CLDN1: variants seen among roughly 807,000 people sequenced by gnomAD.
CLDN1 encodes the protein claudin-1.
A neutral mutation model predicts 22.6 loss-of-function variants in CLDN1; 12 were observed. The ratio of observed to expected loss-of-function variants is 0.53; its 90% CI spans 0.34 to 0.86. The LOEUF is 0.86. Among genes scored for constraint, CLDN1 ranks in the 40% least tolerant of loss-of-function variants. CLDN1 has a pLI of 0.02. For synonymous variants in CLDN1, 99 were observed against 103.8 expected, an observed-to-expected ratio of 0.95 and a Z score of 0.28; for missense variants, 250 against 269.5, an observed-to-expected ratio of 0.93 and a Z score of 0.51.
intron 1 of CLDN1, among the ~76,000 whole-genome samples, chr3:190,320,665 G>A (rs1716893897): frequency 6.6e-6 from 1 of 152,144 alleles, no homozygotes. Context: ...TATGGCTTTT[G>A]ATATACACTA....
At position 190,307,520 on chromosome 3, in the gene CLDN1, A is replaced by G. The variant is rs1315013113; in HGVS notation, c.*757T>C. The G allele has an allele frequency of 6.6e-6, 1 of 152,224 alleles. No homozygotes were observed. Among genetic ancestry groups the G allele is most frequent in the East Asian group, 1.9e-4 (1 of 5,190 alleles). The allele number at this position is 152,224 out of a possible 1,614,324, so 9.4% of individuals were successfully genotyped here. A position where few individuals can be genotyped will look rare whatever the true frequency, so the allele number is the denominator to read the frequency against. On this transcript the variant is annotated 3_prime_UTR_variant, in exon 4 of 4. Transcript: ENST00000295522. ...TCAACAGGAATTTATCACTTTGGTC[A>G]TGCAGAAAGATTTGCCTCCAAAGTT...
At position 190,308,337 on chromosome 3, in the gene CLDN1, A is replaced by C. The variant is rs751275507; in HGVS notation, c.576T>G (p.Ser192=). ...TTGGATAGGGCCTTGGTGTTGGGTA[A>C]GAGGTTGTTTTTCGGGGACAGGAAC... ...LCCSCPRKTT[S]YPTPRPYPKP... Residue 192 remains serine, a synonymous_variant, in exon 4 of 4, where the codon TCT becomes TCG. Transcript: ENST00000295522. 6.2e-7 allele frequency: 1 copy of C among 1,613,842 alleles called. No homozygotes were observed. The highest frequency in any genetic ancestry group is 1.1e-5 in the South Asian group (1 of 91,062).
At chr3:190,312,502 G>C (rs1716649829) in intron 2 of CLDN1, among the ~76,000 whole-genome samples, 1 of 152,122 alleles carries the variant, frequency 6.6e-6, no homozygotes, top group Non-Finnish European at 1.5e-5. Flanking sequence ...ACATATTCTT[G>C]TGTTTTCTCT....
chr3:190,320,132 A>G (rs1472583363), intron 1 of CLDN1, among the ~76,000 whole-genome samples: 1 of 152,250 alleles, frequency 6.6e-6, no homozygotes, highest in Non-Finnish European at 1.5e-5. Context: ...AACTACATTA[A>G]CCAAAAAATG....
intron 1 of CLDN1, among the ~76,000 whole-genome samples, chr3:190,319,832 C>T (rs960922872): frequency 1.3e-5 from 2 of 152,288 alleles, no homozygotes; most frequent in South Asian, 2.1e-4. Flanking sequence ...AGCTGGTGGG[C>T]GTAAACACCA....
chr3:190,310,912 T>C (rs1460640920), intron 2 of CLDN1, among the ~76,000 whole-genome samples: 1 of 152,216 alleles, frequency 6.6e-6, no homozygotes, highest in African/African-American at 2.4e-5. Flanking sequence ...AGAAATCATT[T>C]AGTCAAAATC....
intron 2 of CLDN1, among the ~76,000 whole-genome samples, chr3:190,310,944 A>G (rs752101134): frequency 2.6e-5 from 4 of 152,188 alleles, no homozygotes; most frequent in Non-Finnish European, 5.9e-5. Context: ...CATTTATAAG[A>G]TGTATAAAAT....
chr3:190,308,109 G>T lies in CLDN1; in HGVS notation c.*168C>A. 1.3e-6 allele frequency: 1 copy of T among 772,322 alleles called. No individual in the cohort carries two copies. The highest frequency in any genetic ancestry group is 2.2e-6 in the Non-Finnish European group (1 of 460,868). 47.8% of individuals were successfully genotyped at this position (772,322 alleles called of 1,614,324 possible). A position where few individuals can be genotyped will look rare whatever the true frequency, so the allele number is the denominator to read the frequency against. ...AGAAGATAAAATAAGATTAAGCCAT[G>T]TTTAGCACTGAGTATTTTAACACAT... On this transcript the variant is annotated 3_prime_UTR_variant, in exon 4 of 4. Transcript: ENST00000295522.
At position 190,308,282 on chromosome 3, in the gene CLDN1, C is replaced by A; in HGVS notation, c.631G>T (p.Val211Leu). The A allele has an allele frequency of 6.2e-7, 1 of 1,613,744 alleles. No homozygotes were observed. Among genetic ancestry groups the A allele is most frequent in the Non-Finnish European group, 8.5e-7 (1 of 1,179,808 alleles). The change falls in exon 4 of 4, where the codon GTG becomes TTG. Residue 211 changes from valine (V) to leucine (L), a missense_variant. By Grantham distance (32) the Val-to-Leu change is conservative. Transcript: ENST00000295522. ...KPAPSSGKDY[V>L] ...TTTCTCCTTTTGCCTCTGTGTCACA[C>A]GTAGTCTTTCCCGCTGGAAGGTGCA...
At chr3:190,316,594 C>T (rs890309905) in intron 1 of CLDN1, among the ~76,000 whole-genome samples, 1 of 152,160 alleles carries the variant, frequency 6.6e-6, no homozygotes, top group South Asian at 2.1e-4. Context: ...CAGATGAATA[C>T]CTTCACATCA....
rs181421724 is a variant in CLDN1, at chr3:190,313,260, A to C, written c.224-224T>G. 4.6e-5 allele frequency: 25 copies of C among 546,194 alleles called. No individual in the cohort carries two copies. In the East Asian group the frequency reaches 6.6e-4, roughly 14 times the overall value. The allele number at this position is 546,194 out of a possible 1,614,324, so 33.8% of individuals were successfully genotyped here. ...GATGAAAAAGAGATCCCTCCACTCC[A>C]ATATTTTATGTTTCCAACATTAAAT... On this transcript the variant is annotated intron_variant, in intron 1 of 3. Transcript: ENST00000295522.
rs1716511692 is a variant in CLDN1, at chr3:190,308,233, A to G, written c.*44T>C. 5.6e-6 allele frequency: 9 copies of G among 1,608,428 alleles called. No homozygotes were observed. Among genetic ancestry groups the G allele is most frequent in the South Asian group, 1.1e-5 (1 of 90,892 alleles). On this transcript the variant is annotated 3_prime_UTR_variant, in exon 4 of 4. Coordinates refer to ENST00000295522, the MANE Select transcript of CLDN1 (RefSeq NM_021101.5). ...TGTTAATGATAGTATCTCAATGTCC[A>G]TTTTCGGTTTGTTTCAACATGATTT...
chr3:190,322,418 C>A lies in CLDN1; in HGVS notation c.-212G>T, dbSNP rs12696600. 339,760 of 594,924 alleles carry A rather than the reference C, an allele frequency of 0.57. 99,434 individuals are homozygous for A. Among genetic ancestry groups the A allele is most frequent in the East Asian group, 0.81 (28,850 of 35,798 alleles). The allele number at this position is 594,924 out of a possible 1,614,324, so 36.9% of individuals were successfully genotyped here. On this transcript the variant is annotated 5_prime_UTR_variant, in exon 1 of 4. Transcript: ENST00000295522. ...GCTGGAGTCTGGATACTAGAAGCTG[C>A]GGTTGCTCCCAGGCTCGGGAACTGA... is the stretch of plus-strand genomic sequence containing the variant.
intron 1 of CLDN1, among the ~76,000 whole-genome samples, chr3:190,320,833 A>C (rs1361765702): frequency 6.6e-6 from 1 of 152,212 alleles, no homozygotes; most frequent in Non-Finnish European, 1.5e-5. Flanking sequence ...GTTAAAGGGC[A>C]TAACAGACAC....
At chr3:190,308,636 A>C (rs1716526863) in intron 3 of CLDN1, among the ~76,000 whole-genome samples, 197 bp from the exon 4 acceptor site, 1 of 152,192 alleles carries the variant, frequency 6.6e-6, no homozygotes, top group South Asian at 2.1e-4. Flanking sequence ...ACAATTTGCA[A>C]TAGTAGATCA....
At chr3:190,308,550 C>G (rs553167459) in intron 3 of CLDN1, 111 bp from the exon 4 acceptor site, 2 of 1,005,566 alleles carry the variant, frequency 2.0e-6, no homozygotes, top group Admixed American at 4.1e-5. Context: ...TTGAAAATAA[C>G]CCCTGAATAT....
At chr3:190,319,122 C>T (rs1025342142) in intron 1 of CLDN1, among the ~76,000 whole-genome samples, 3 of 152,140 alleles carry the variant, frequency 2.0e-5, no homozygotes, top group Non-Finnish European at 4.4e-5. Context: ...AATCTTTGGA[C>T]AGCTCTAGCT....
intron 1 of CLDN1, among the ~76,000 whole-genome samples, chr3:190,315,938 C>G (rs1199190204): frequency 6.6e-6 from 1 of 152,134 alleles, no homozygotes; most frequent in African/African-American, 2.4e-5. Context: ...CTTACTGCAC[C>G]CACCTGGAAT....
chr3:190,310,669 A>G (rs1221588406), intron 2 of CLDN1, among the ~76,000 whole-genome samples: 1 of 152,192 alleles, frequency 6.6e-6, no homozygotes, highest in Non-Finnish European at 1.5e-5. Flanking sequence ...TTCTTGATCA[A>G]ACTCAAAATT....
Sources: gnomAD v4.1 joint callset for allele counts (sites outside exome capture counted in the v4.1 genomes callset) on GRCh38, gnomAD v4.1.1 for gene constraint, MANE v1.5 for transcripts, NCBI Gene and HGNC (gene_info 2026-07-23, HGNC 2026-07-21) for gene names.